Variants in ARHGAP27 observed in about 807,000 individuals in gnomAD.
The protein encoded by ARHGAP27 is Rho GTPase activating protein 27.
Under a neutral mutation model 102.0 loss-of-function variants are expected in ARHGAP27, and 53 were observed. The observed-to-expected ratio is 0.52, with a 90% CI of 0.42 to 0.65. The LOEUF (loss-of-function observed/expected upper bound fraction) is 0.65, where lower values mean the gene tolerates loss of function less well. Among genes scored for constraint, ARHGAP27 ranks in the 30% least tolerant of loss-of-function variants. The pLI is 0.00. For synonymous variants in ARHGAP27, 525 were observed against 542.8 expected (o/e 0.97, Z 0.46); for missense variants, 1,117 against 1,256.2 (o/e 0.89, Z 1.68).
At position 45,403,629 on chromosome 17, in the gene ARHGAP27, G is replaced by A; in HGVS notation, c.1628C>T (p.Ala543Val). 2 of 1,613,816 alleles carry A rather than the reference G, an allele frequency of 1.2e-6. No individual in the cohort carries two copies. Among genetic ancestry groups the A allele is most frequent in the Non-Finnish European group, 1.7e-6 (2 of 1,179,962 alleles). Reference protein sequence around the residue: ...TFFKDSKTSAAGGLRQPSKFS... With the variant: ...TFFKDSKTSAVGGLRQPSKFS... ...AGGGCCTGGCCTTACCAGGCCGCCT[G>A]CAGCCGAGGTCTTTGAGTCCTTGAA... Residue 543 changes from alanine (A) to valine (V), a missense_variant, in exon 11 of 20, where the codon GCA (alanine) becomes GTA (valine). Transcript: ENST00000685559.
In ARHGAP27 at chr17:45,395,733, G is replaced by C. The variant is rs777930326; in HGVS notation, c.2492+11C>G. On this transcript the variant is annotated intron_variant, in intron 19 of 19. Transcript: ENST00000685559. ...CTGCCTCCCCCTTCCCGCGCGGGCCGCCCGGCTCACCGGCAGAGGTGCTGG... is the reference window on the plus strand; with the variant it reads ...CTGCCTCCCCCTTCCCGCGCGGGCCCCCCGGCTCACCGGCAGAGGTGCTGG... 3.8e-6 allele frequency: 6 copies of C among 1,583,484 alleles called. No homozygotes were observed. The South Asian group carries it at 4.6e-5, about 12-fold the overall frequency.
At chr17:45,398,602 C>T (rs928713532) in intron 12 of ARHGAP27, among the ~76,000 whole-genome samples, 7 of 152,046 alleles carry the variant, frequency 4.6e-5, no homozygotes, top group Non-Finnish European at 7.4e-5. Context: ...GGCATGGTGG[C>T]GGGCTCCTGT....
rs540243368 is a variant in ARHGAP27, at chr17:45,410,408, G to A, written c.658-4325C>T. 6.1e-5 allele frequency: 84 copies of A among 1,371,046 alleles called. No individual in the cohort carries two copies. The Admixed American group carries it at 2.6e-3, about 43-fold the overall frequency. 84.9% of individuals were successfully genotyped at this position (1,371,046 alleles called of 1,614,324 possible). A position where few individuals can be genotyped will look rare whatever the true frequency, so the allele number is the denominator to read the frequency against. Reference sequence around the variant, plus strand: ...AAACAAGAAGTTGCCGAGATGGCGGGAGGCTGAGACTCCAGCCCATTTCCT... The same window carrying A: ...AAACAAGAAGTTGCCGAGATGGCGGAAGGCTGAGACTCCAGCCCATTTCCT... On this transcript the variant is annotated intron_variant, in intron 4 of 19. Coordinates refer to ENST00000685559, the MANE Select transcript of ARHGAP27 (RefSeq NM_001282290.2).
intron 4 of ARHGAP27, among the ~76,000 whole-genome samples, chr17:45,415,969 T>A (rs1324170875): frequency 1.3e-5 from 2 of 152,194 alleles, no homozygotes; most frequent in Non-Finnish European, 2.9e-5. Context: ...GAATTATTGT[T>A]AATTTTCTCA....
At chr17:45,429,451 G>C in intron 4 of ARHGAP27, 172 bp downstream of exon 4, 2 of 1,455,182 alleles carry the variant, frequency 1.4e-6, no homozygotes, top group Non-Finnish European at 1.8e-6. Context: ...GACTGCGGGC[G>C]TGCACCCCTC....
intron 4 of ARHGAP27, among the ~76,000 whole-genome samples, chr17:45,419,769 T>G (rs2048856112): frequency 6.9e-6 from 1 of 145,164 alleles, no homozygotes; most frequent in Non-Finnish European, 1.5e-5. Flanking sequence ...TAGAACTCAA[T>G]AAGAAAAAAG....
chr17:45,415,355 C>A (rs904065383), intron 4 of ARHGAP27, among the ~76,000 whole-genome samples: 9 of 152,120 alleles, frequency 5.9e-5, no homozygotes, highest in Admixed American at 1.3e-4. Context: ...AGCAATTGGG[C>A]CCCAGGCTCC....
At position 45,432,585 on chromosome 17, in the gene ARHGAP27, C is replaced by T. The variant is rs571206641; in HGVS notation, c.-285+167G>A. On this transcript the variant is annotated intron_variant, in intron 1 of 19. Coordinates refer to ENST00000685559, the MANE Select transcript of ARHGAP27 (RefSeq NM_001282290.2). Reference sequence around the variant, plus strand: ...CGTGGGATGCGGCCCGCGCAGCTCCCGCCCCAGCGCGGAGACAAGGGGAGC... The same window carrying T: ...CGTGGGATGCGGCCCGCGCAGCTCCTGCCCCAGCGCGGAGACAAGGGGAGC... Among the ~76,000 whole-genome samples the T allele has an allele frequency of 6.3e-3, 956 of 152,248 alleles. 8 individuals are homozygous for T. The highest frequency in any genetic ancestry group is 0.021 in the Middle Eastern group (6 of 292).
chr17:45,403,816 C>A (rs2046773577), intron 10 of ARHGAP27, 107 bp from the exon 11 acceptor site: 1 of 1,083,746 alleles, frequency 9.2e-7, no homozygotes, highest in Non-Finnish European at 1.3e-6. Context: ...CAGGCTAGGG[C>A]ACCCCATTAT....
chr17:45,429,770 G>C lies in ARHGAP27; in HGVS notation c.510C>G (p.Gly170=), dbSNP rs2049917563. 6.5e-7 allele frequency: 1 copy of C among 1,528,284 alleles called. No homozygotes were observed. Among genetic ancestry groups the C allele is most frequent in the African/African-American group, 1.4e-5 (1 of 71,224 alleles). The allele number at this position is 1,528,284 out of a possible 1,614,324, so 94.7% of individuals were successfully genotyped here. ...LACAAVSPPA[G]LLGSSGSFKA... ...TGAAGCTGCCGCTGCTTCCTAGGAG[G>C]CCGGCGGGAGGCGAGACGGCGGCGC... The change falls in exon 4 of 20, where the codon GGC becomes GGG. Residue 170 remains glycine, a synonymous_variant. Coordinates refer to ENST00000685559, the MANE Select transcript of ARHGAP27 (RefSeq NM_001282290.2).
chr17:45,403,980 CG>C, intron 10 of ARHGAP27, 48 bp downstream of exon 10: 3 of 1,594,114 alleles, frequency 1.9e-6, no homozygotes, highest in Non-Finnish European at 2.6e-6. Flanking sequence ...CAGTGAACAT[CG>C]TCACCAAGGC....
intron 4 of ARHGAP27, among the ~76,000 whole-genome samples, chr17:45,426,201 C>A (rs565603715): frequency 4.6e-5 from 7 of 152,098 alleles, no homozygotes; most frequent in Non-Finnish European, 5.9e-5. Context: ...ACTTCCTGGC[C>A]GTGTGAGCTT....
chr17:45,402,712 A>G lies in ARHGAP27; in HGVS notation c.1743+2T>C. ...CTCCTTCTCCCCAACCCCGCCACTC[A>G]CCTCCAGCACATTCTTCCTACTGGA... On this transcript the variant is annotated splice_donor_variant, in intron 12 of 19. Coordinates refer to ENST00000685559, the MANE Select transcript of ARHGAP27 (RefSeq NM_001282290.2). LOFTEE classifies it high-confidence loss of function. 1 of 1,608,468 alleles carries G rather than the reference A, an allele frequency of 6.2e-7. No homozygotes were observed. The highest frequency in any genetic ancestry group is 8.5e-7 in the Non-Finnish European group (1 of 1,175,420).
At position 45,395,801 on chromosome 17, in the gene ARHGAP27, C is replaced by A. The variant is rs779365839; in HGVS notation, c.2435G>T (p.Arg812Leu). The change falls in exon 19 of 20, where the codon CGC (arginine) becomes CTC (leucine). Residue 812 changes from arginine to leucine, a missense_variant. Coordinates refer to ENST00000685559, the MANE Select transcript of ARHGAP27 (RefSeq NM_001282290.2). ...RRSRCVRDLV[R>L]SLPAPNHDTL... ...GTCGTGGTTGGGAGCGGGCAGCGAG[C>A]GCACCAAGTCACGCACACAGCGGCT... 15 of 1,605,936 alleles carry A rather than the reference C, an allele frequency of 9.3e-6. No homozygotes were observed. In the East Asian group the frequency reaches 3.4e-4, roughly 36 times the overall value.
At position 45,396,932 on chromosome 17, in the gene ARHGAP27, G is replaced by C; in HGVS notation, c.1935C>G (p.Asp645Glu). 1 of 1,606,258 alleles carries C rather than the reference G, an allele frequency of 6.2e-7. No individual in the cohort carries two copies. The highest frequency in any genetic ancestry group is 8.5e-7 in the Non-Finnish European group (1 of 1,179,968). The change falls in exon 14 of 20, where the codon GAC (aspartate) becomes GAG (glutamate). Residue 645 changes from aspartate to glutamate, a missense_variant. Transcript: ENST00000685559. ...TGCGCACACCTGCATTCGGTCGCGCGTCCTCCTCTTTCTCCTGCCAGCTTC... is the reference window on the plus strand; with the variant it reads ...TGCGCACACCTGCATTCGGTCGCGCCTCCTCCTCTTTCTCCTGCCAGCTTC... ...RLGSWQEKEEDARPNAAAPAL... is the reference protein window; with the variant it reads ...RLGSWQEKEEEARPNAAAPAL...
intron 4 of ARHGAP27, among the ~76,000 whole-genome samples, chr17:45,419,510 A>ATGTATG (rs1555563574): frequency 2.0e-3 from 153 of 76,690 alleles, no homozygotes; most frequent in African/African-American, 0.01. Flanking sequence ...CTTATGCTGT[A>ATGTATG]TGTATATATA....
chr17:45,416,609 C>A (rs542256275), intron 4 of ARHGAP27, among the ~76,000 whole-genome samples: 19 of 150,930 alleles, frequency 1.3e-4, no homozygotes, highest in African/African-American at 4.6e-4. Context: ...AGTACAGTGG[C>A]GCAATCTTGA....
At chr17:45,422,912 G>A (rs2049179104) in intron 4 of ARHGAP27, among the ~76,000 whole-genome samples, 1 of 152,200 alleles carries the variant, frequency 6.6e-6, no homozygotes, top group South Asian at 2.1e-4. Flanking sequence ...CAGGCGTGGT[G>A]GCTCACACCT....
intron 4 of ARHGAP27, among the ~76,000 whole-genome samples, chr17:45,415,595 A>T (rs1463589943): frequency 6.6e-6 from 1 of 151,964 alleles, no homozygotes; most frequent in Non-Finnish European, 1.5e-5. Context: ...AGTGACATCT[A>T]CCTCTGTCAC....
Sources: gnomAD v4.1 joint callset for allele counts (sites outside exome capture counted in the v4.1 genomes callset) on GRCh38, gnomAD v4.1.1 for gene constraint, MANE v1.5 for transcripts, NCBI Gene and HGNC (gene_info 2026-07-23, HGNC 2026-07-21) for gene names.